PLBD1: variants seen among roughly 807,000 people sequenced by gnomAD.
PLBD1 encodes phospholipase B domain containing 1.
A neutral mutation model predicts 63.0 loss-of-function variants in PLBD1; 60 were observed. The ratio of observed to expected loss-of-function variants is 0.95; its 90% CI spans 0.77 to 1.18. PLBD1 has a LOEUF of 1.18. Ranked by LOEUF, PLBD1 falls within the 50% of genes most tolerant of loss-of-function variation. The pLI is 0.00. For missense variants in PLBD1, 598 were observed against 677.9 expected (o/e 0.88, Z 1.31); for synonymous variants, 262 against 248.0 (o/e 1.06, Z -0.53).
chr12:14,541,168 GATACA>G (rs1248023665), intron 3 of PLBD1, among the ~76,000 whole-genome samples: 1 of 152,162 alleles, frequency 6.6e-6, no homozygotes, highest in African/African-American at 2.4e-5. Context: ...ACCTAACTGT[GATACA>G]AGACCTAAAC....
chr12:14,536,656 G>A lies in PLBD1; in HGVS notation c.613C>T (p.Leu205=). The change falls in exon 5 of 11, where the codon CTG becomes TTG. Residue 205 remains leucine, a synonymous_variant. Transcript: ENST00000240617. ...FLNSVGDLLD[L]IPSLSPTKNG... ...TTTGTGGGAGAGAGTGAGGGAATCAGATCCAATAGATCTCCAACACTATTC... is the reference window on the plus strand; with the variant it reads ...TTTGTGGGAGAGAGTGAGGGAATCAAATCCAATAGATCTCCAACACTATTC... 1.2e-6 allele frequency: 2 copies of A among 1,614,148 alleles called. No individual in the cohort carries two copies. The highest frequency in any genetic ancestry group is 1.7e-6 in the Non-Finnish European group (2 of 1,180,004).
chr12:14,523,197 T>C (rs1403342175), intron 6 of PLBD1, among the ~76,000 whole-genome samples: 1 of 152,056 alleles, frequency 6.6e-6, no homozygotes, highest in East Asian at 1.9e-4. Context: ...ATCTATAGCA[T>C]TTCTATATGA....
chr12:14,512,076 T>C (rs184129997), intron 6 of PLBD1, among the ~76,000 whole-genome samples: 166 of 152,232 alleles, frequency 1.1e-3, no homozygotes, highest in Non-Finnish European at 1.7e-3. Context: ...ATTAGCAGGG[T>C]TCATTAGTAA....
intron 6 of PLBD1, among the ~76,000 whole-genome samples, chr12:14,515,444 T>C (rs1218031241): frequency 3.3e-5 from 5 of 152,094 alleles, no homozygotes; most frequent in East Asian, 1.9e-4. Context: ...GCAAAATCCA[T>C]TTATAATTCT....
At chr12:14,564,936 T>C (rs1430325702) in intron 1 of PLBD1, among the ~76,000 whole-genome samples, 1 of 152,168 alleles carries the variant, frequency 6.6e-6, no homozygotes, top group Non-Finnish European at 1.5e-5. Context: ...CAGATAAAGG[T>C]ATGATTTATT....
chr12:14,554,014 T>C (rs1339205378), intron 1 of PLBD1: 1 of 154,160 alleles, frequency 6.5e-6, no homozygotes, highest in African/African-American at 2.4e-5. Flanking sequence ...CTCTTGTCCC[T>C]AGTCAGCAAC....
At chr12:14,537,639 G>C (rs1184890836) in intron 4 of PLBD1, among the ~76,000 whole-genome samples, 2 of 152,168 alleles carry the variant, frequency 1.3e-5, no homozygotes, top group African/African-American at 4.8e-5. Context: ...TGGAGAGCAC[G>C]GCTCCAGGAA....
At chr12:14,535,616 A>G (rs1226932230) in intron 6 of PLBD1, 43 bp downstream of exon 6, 1 of 1,602,838 alleles carries the variant, frequency 6.2e-7, no homozygotes, top group Non-Finnish European at 8.5e-7. Context: ...TTTATCCAGG[A>G]ATAGTACTCA....
intron 4 of PLBD1, 64 bp from the exon 5 acceptor site, chr12:14,536,774 C>T (rs11056013): frequency 6.3e-7 from 1 of 1,581,160 alleles, no homozygotes; most frequent in Non-Finnish European, 8.6e-7. Context: ...CTGTTTTCCT[C>T]TTGTTAGGGA....
intron 4 of PLBD1, among the ~76,000 whole-genome samples, chr12:14,537,273 T>G (rs1945527412): frequency 6.6e-6 from 1 of 152,164 alleles, no homozygotes; most frequent in African/African-American, 2.4e-5. Flanking sequence ...CAGAGCTTTC[T>G]GTTTGCACTC....
chr12:14,532,382 T>C (rs756933183), intron 6 of PLBD1, among the ~76,000 whole-genome samples: 1 of 152,176 alleles, frequency 6.6e-6, no homozygotes, highest in Non-Finnish European at 1.5e-5. Flanking sequence ...AGGGGCCAGA[T>C]GTGGAGCTCA....
At chr12:14,524,369 G>C (rs2136913055) in intron 6 of PLBD1, among the ~76,000 whole-genome samples, 1 of 152,178 alleles carries the variant, frequency 6.6e-6, no homozygotes, top group East Asian at 1.9e-4. Context: ...ACCATGATTT[G>C]TTCACTACAC....
chr12:14,540,013 CATATATATATATAT>C (rs58124579), intron 4 of PLBD1, among the ~76,000 whole-genome samples: 2 of 22,780 alleles, frequency 8.8e-5, no homozygotes, highest in African/African-American at 2.0e-4. Context: ...AAGCTATGCA[CATATATATATATAT>C]ATATATATAT....
intron 1 of PLBD1, among the ~76,000 whole-genome samples, chr12:14,554,501 C>T (rs1478531280): frequency 6.6e-6 from 1 of 152,136 alleles, no homozygotes; most frequent in East Asian, 1.9e-4. Flanking sequence ...TTTAAAGTGT[C>T]CACACTGAAT....
chr12:14,508,226 T>A (rs1226731098), intron 8 of PLBD1, among the ~76,000 whole-genome samples: 1 of 152,210 alleles, frequency 6.6e-6, no homozygotes, highest in African/African-American at 2.4e-5. Flanking sequence ...GTTCTGCCAT[T>A]ATTAGGTATG....
intron 2 of PLBD1, among the ~76,000 whole-genome samples, chr12:14,549,990 A>G (rs146562744): frequency 4.6e-5 from 7 of 152,236 alleles, no homozygotes; most frequent in African/African-American, 1.7e-4. Flanking sequence ...TTGTAAATGC[A>G]ACTTACTCAT....
intron 8 of PLBD1, among the ~76,000 whole-genome samples, chr12:14,507,889 G>A (rs1183774495): frequency 6.6e-6 from 1 of 152,134 alleles, no homozygotes; most frequent in African/African-American, 2.4e-5. Context: ...GAAACATCCT[G>A]GATGACACTG....
chr12:14,548,457 CAAAAAAAAAAAAAAAAA>C (rs56119793), intron 2 of PLBD1, among the ~76,000 whole-genome samples: 1 of 68,336 alleles, frequency 1.5e-5, no homozygotes, highest in East Asian at 4.6e-4. Context: ...ACTCCATCTC[CAAAAAAAAAAAAAAAAA>C]AAAAAAAAGA....
chr12:14,538,147 T>C (rs1028653674), intron 4 of PLBD1, among the ~76,000 whole-genome samples: 1 of 152,034 alleles, frequency 6.6e-6, no homozygotes, highest in Non-Finnish European at 1.5e-5. Flanking sequence ...TATTTTTATA[T>C]TGGATGTAAA....
Sources: gnomAD v4.1 joint callset for allele counts (sites outside exome capture counted in the v4.1 genomes callset) on GRCh38, gnomAD v4.1.1 for gene constraint, MANE v1.5 for transcripts, NCBI Gene and HGNC (gene_info 2026-07-23, HGNC 2026-07-21) for gene names.